Variants in CHLSN observed in about 807,000 individuals in gnomAD.
The protein encoded by CHLSN is cholesin.
chr7:980,000 C>T, the CHLSN span, among the ~76,000 whole-genome samples: 21 of 152,336 alleles, frequency 1.4e-4, no homozygotes, highest in East Asian at 3.9e-3. Context: ...TGAGCAAACA[C>T]GGCTTCTGGC....
chr7:1,118,744 T>C, the CHLSN span, among the ~76,000 whole-genome samples: 1 of 136,472 alleles, frequency 7.3e-6, no homozygotes, highest in Non-Finnish European at 1.5e-5. Flanking sequence ...GGAGAATCAC[T>C]TGAGCCCAGG....
chr7:996,526 T>C, the CHLSN span, among the ~76,000 whole-genome samples: 2 of 152,280 alleles, frequency 1.3e-5, no homozygotes, highest in East Asian at 3.9e-4. Flanking sequence ...AGCACCTGGG[T>C]GTCTGCTCTG....
the CHLSN span, among the ~76,000 whole-genome samples, chr7:1,108,829 T>C: frequency 6.6e-6 from 1 of 151,884 alleles, no homozygotes; most frequent in African/African-American, 2.4e-5. Context: ...CTGCTGGGTC[T>C]CTTCTTTACC....
At chr7:1,136,013 T>C in the CHLSN span, among the ~76,000 whole-genome samples, 1 of 120,206 alleles carries the variant, frequency 8.3e-6, no homozygotes, top group African/African-American at 3.4e-5. Context: ...ATATAAAATA[T>C]ATATGTATAT....
the CHLSN span, among the ~76,000 whole-genome samples, chr7:1,031,171 G>A: frequency 3.3e-5 from 5 of 152,200 alleles, no homozygotes; most frequent in Non-Finnish European, 7.3e-5. Context: ...TTCCGTACAC[G>A]GGATGCCGTT....
At chr7:1,032,003 C>T in the CHLSN span, among the ~76,000 whole-genome samples, 1 of 152,096 alleles carries the variant, frequency 6.6e-6, no homozygotes, top group Non-Finnish European at 1.5e-5. Context: ...AATTCGCCTT[C>T]GAAACCTGGG....
chr7:1,029,208 G>C, the CHLSN span: 2 of 152,204 alleles, frequency 1.3e-5, no homozygotes, highest in African/African-American at 4.8e-5. Flanking sequence ...GCTCACTGCA[G>C]CCTTAACTTC....
At chr7:1,110,607 G>A in the CHLSN span, among the ~76,000 whole-genome samples, 1 of 152,250 alleles carries the variant, frequency 6.6e-6, no homozygotes, top group Non-Finnish European at 1.5e-5. Context: ...TCCCGAGGGA[G>A]CAGACCGGGA....
the CHLSN span, among the ~76,000 whole-genome samples, chr7:1,134,150 G>C: frequency 2.0e-5 from 3 of 152,108 alleles, no homozygotes; most frequent in Non-Finnish European, 2.9e-5. Flanking sequence ...GTGCGTGCCT[G>C]TAGTCCCAGC....
chr7:1,136,463 A>AAC, the CHLSN span, among the ~76,000 whole-genome samples: 1 of 94,872 alleles, frequency 1.1e-5, no homozygotes, highest in African/African-American at 5.2e-5. Context: ...AACATATATA[A>AAC]ACATATATAA....
At chr7:1,028,558 G>A in the CHLSN span, 17 of 984,900 alleles carry the variant, frequency 1.7e-5, no homozygotes, top group African/African-American at 2.1e-4. Flanking sequence ...CTGGCCGCCC[G>A]GGTCTCCGGT....
the CHLSN span, chr7:1,010,099 C>T: frequency 1.2e-6 from 2 of 1,612,932 alleles, no homozygotes; most frequent in Non-Finnish European, 8.5e-7. Flanking sequence ...CCTCTGGGGA[C>T]AGCTCTGGCT....
chr7:1,026,625 C>A, the CHLSN span: 1 of 152,364 alleles, frequency 6.6e-6, no homozygotes, highest in Admixed American at 6.5e-5. Flanking sequence ...GCTCCCCATT[C>A]TTCAATGCTG....
At chr7:1,126,863 A>G in the CHLSN span, among the ~76,000 whole-genome samples, 1 of 152,048 alleles carries the variant, frequency 6.6e-6, no homozygotes, top group Non-Finnish European at 1.5e-5. Flanking sequence ...ACATTTCTAG[A>G]TGTGCATTTT....
the CHLSN span, among the ~76,000 whole-genome samples, chr7:1,136,260 CATATATAAATATATAAAAT>C: frequency 9.6e-6 from 1 of 104,098 alleles, no homozygotes; most frequent in Non-Finnish European, 1.7e-5. Flanking sequence ...TATATATAAA[CATATATAAATATATAAAAT>C]ATATATAAAT....
At chr7:1,016,956 ACAGCAGCACACGCCAGCACACACCAGCG>A in the CHLSN span, among the ~76,000 whole-genome samples, 53 of 145,380 alleles carry the variant, frequency 3.6e-4, 3 homozygotes, top group African/African-American at 5.5e-4. Context: ...ACGCCAGCGC[ACAGCAGCACACGCCAGCACACACCAGCG>A]CACAGCAGCG....
At chr7:1,027,811 C>G in the CHLSN span, among the ~76,000 whole-genome samples, 14 of 152,334 alleles carry the variant, frequency 9.2e-5, no homozygotes, top group African/African-American at 3.1e-4. Context: ...TCAAGGGTCA[C>G]GCGGCGGCCG....
the CHLSN span, among the ~76,000 whole-genome samples, chr7:1,017,003 CACACAG>C: frequency 0.017 from 2,478 of 149,156 alleles, 139 homozygotes; most frequent in African/African-American, 0.059. Flanking sequence ...CGCACAGGAG[CACACAG>C]CAGCACACAG....
chr7:1,108,752 C>A, the CHLSN span, among the ~76,000 whole-genome samples: 1 of 152,178 alleles, frequency 6.6e-6, no homozygotes, highest in Non-Finnish European at 1.5e-5. Context: ...CACACACGCC[C>A]CTACCGTGTG....
Sources: allele counts gnomAD v4.1 joint callset (sites outside exome capture counted in the v4.1 genomes callset), GRCh38; gene constraint gnomAD v4.1.1; transcripts MANE v1.5; gene names NCBI Gene and HGNC (gene_info 2026-07-23, HGNC 2026-07-21).